Variants in NRXN3 observed in about 807,000 individuals in gnomAD.
The protein encoded by NRXN3 is neurexin III.
Under a neutral mutation model 137.6 loss-of-function variants are expected in NRXN3, and 32 were observed. The observed-to-expected ratio is 0.23, with a 90% CI of 0.18 to 0.31. The LOEUF is 0.31. Among genes scored for constraint, NRXN3 ranks in the 10% least tolerant of loss-of-function variants. The probability of loss-of-function intolerance (pLI) is 1.00; values close to 1 mark genes in which losing one functional copy is unlikely to be tolerated. For missense variants in NRXN3, 1,574 were observed against 2,062.5 expected (o/e 0.76, Z 4.59); for synonymous variants, 798 against 784.5 (o/e 1.02, Z -0.29).
intron 20 of NRXN3, among the ~76,000 whole-genome samples, chr14:79,856,722 T>C (rs929446334): frequency 1.3e-5 from 2 of 152,082 alleles, no homozygotes; most frequent in African/African-American, 4.8e-5. Context: ...CTGTCTTTTT[T>C]GATGGCAGTG....
intron 15 of NRXN3, among the ~76,000 whole-genome samples, chr14:79,149,566 T>C (rs531111642): frequency 2.8e-4 from 43 of 152,220 alleles, no homozygotes; most frequent in Non-Finnish European, 5.1e-4. Flanking sequence ...CGTATATTCA[T>C]TGTGGCACTA....
chr14:78,902,522 G>A (rs2099199971), intron 10 of NRXN3, among the ~76,000 whole-genome samples: 1 of 151,940 alleles, frequency 6.6e-6, no homozygotes, highest in African/African-American at 2.4e-5. Context: ...TAAAAGCAGA[G>A]GAGGAATAAA....
At chr14:78,510,904 C>T (rs1389696424) in intron 4 of NRXN3, among the ~76,000 whole-genome samples, 1 of 152,158 alleles carries the variant, frequency 6.6e-6, no homozygotes, top group East Asian at 1.9e-4. Context: ...AGATCTTTGC[C>T]TCTCCCCATG....
chr14:79,344,333 C>G (rs2092763102), intron 15 of NRXN3, among the ~76,000 whole-genome samples: 1 of 152,094 alleles, frequency 6.6e-6, no homozygotes, highest in Admixed American at 6.5e-5. Flanking sequence ...CTCTTTCTCT[C>G]TCCAATTAGC....
At chr14:78,287,348 C>G (rs1416060012) in intron 3 of NRXN3, among the ~76,000 whole-genome samples, 1 of 152,118 alleles carries the variant, frequency 6.6e-6, no homozygotes, top group African/African-American at 2.4e-5. Flanking sequence ...TATTTTCTGG[C>G]CCCCTTATCT....
intron 16 of NRXN3, among the ~76,000 whole-genome samples, chr14:79,576,842 G>A (rs1428292580): frequency 6.6e-6 from 1 of 152,046 alleles, no homozygotes; most frequent in Non-Finnish European, 1.5e-5. Context: ...AAAATTTTCA[G>A]TAGTTATCAA....
intron 10 of NRXN3, among the ~76,000 whole-genome samples, chr14:78,883,681 C>A (rs1293039568): frequency 6.6e-6 from 1 of 152,174 alleles, no homozygotes; most frequent in African/African-American, 2.4e-5. Flanking sequence ...TTTAGGGTTG[C>A]ACTCACTTTG....
At chr14:78,293,928 GA>G (rs2076052040) in intron 3 of NRXN3, among the ~76,000 whole-genome samples, 2 of 152,206 alleles carry the variant, frequency 1.3e-5, no homozygotes, top group South Asian at 4.1e-4. Context: ...AAGCTAAACA[GA>G]AAAGTCCTTA....
At chr14:79,227,556 G>A (rs1455623874) in intron 15 of NRXN3, among the ~76,000 whole-genome samples, 1 of 152,076 alleles carries the variant, frequency 6.6e-6, no homozygotes, top group African/African-American at 2.4e-5. Context: ...TTCTGTGCAT[G>A]TTTGTTATTT....
intron 15 of NRXN3, among the ~76,000 whole-genome samples, chr14:79,191,942 C>G (rs1036103812): frequency 1.3e-5 from 2 of 151,964 alleles, no homozygotes; most frequent in Admixed American, 1.3e-4. Flanking sequence ...ACAGGACCAA[C>G]CAAGAACCCA....
At chr14:78,986,668 C>G (rs1285151710) in intron 14 of NRXN3, among the ~76,000 whole-genome samples, 1 of 151,992 alleles carries the variant, frequency 6.6e-6, no homozygotes, top group Non-Finnish European at 1.5e-5. Context: ...CTAATATTTT[C>G]TTTCTATAGC....
At chr14:78,993,008 T>C (rs1325769266) in intron 15 of NRXN3, among the ~76,000 whole-genome samples, 1 of 152,186 alleles carries the variant, frequency 6.6e-6, no homozygotes, top group Non-Finnish European at 1.5e-5. Flanking sequence ...AGGATGCCTG[T>C]TGGAGAAATT....
intron 10 of NRXN3, among the ~76,000 whole-genome samples, chr14:78,884,181 G>A (rs768953242): frequency 6.6e-6 from 1 of 152,072 alleles, no homozygotes; most frequent in Non-Finnish European, 1.5e-5. Context: ...ACAAATCTCT[G>A]TGTTATATGT....
chr14:78,833,343 T>A (rs1036226470), intron 10 of NRXN3, among the ~76,000 whole-genome samples: 1 of 152,174 alleles, frequency 6.6e-6, no homozygotes, highest in Non-Finnish European at 1.5e-5. Flanking sequence ...CCTCCAAGAT[T>A]TCTAGCTTTG....
In NRXN3 at chr14:79,723,667, C is replaced by T. The variant is rs565307814; in HGVS notation, c.4014+25730C>T. Among the ~76,000 whole-genome samples the T allele has an allele frequency of 4.6e-5, 7 of 152,132 alleles. No homozygotes were observed. The South Asian group carries it at 1.5e-3, about 32-fold the overall frequency. On this transcript the variant is annotated intron_variant, in intron 19 of 20. Transcript: ENST00000335750. ...AATTGCCACCTAAAAGGATACACCC[C>T]AGGGTCTTCTGTGTTCCTTTGCAGC... is the stretch of plus-strand genomic sequence containing the variant.
chr14:79,049,768 G>A (rs531021267), intron 15 of NRXN3, among the ~76,000 whole-genome samples: 24 of 152,018 alleles, frequency 1.6e-4, no homozygotes, highest in African/African-American at 5.5e-4. Context: ...TATAAAGCAC[G>A]ATGAAATGAA....
At chr14:79,096,033 G>A (rs920838623) in intron 15 of NRXN3, among the ~76,000 whole-genome samples, 2 of 151,380 alleles carry the variant, frequency 1.3e-5, no homozygotes, top group Non-Finnish European at 2.9e-5. Flanking sequence ...TGCTTTTTCT[G>A]TCTCTTTCTG....
chr14:79,835,795 G>C (rs2099340199), intron 20 of NRXN3, among the ~76,000 whole-genome samples: 1 of 152,130 alleles, frequency 6.6e-6, no homozygotes, highest in Non-Finnish European at 1.5e-5. Context: ...GCAAGTATAA[G>C]GATTTAGGAT....
chr14:79,200,429 G>A (rs2065805981), intron 15 of NRXN3, among the ~76,000 whole-genome samples: 1 of 152,112 alleles, frequency 6.6e-6, no homozygotes, highest in South Asian at 2.1e-4. Flanking sequence ...TGTAGAAGTG[G>A]GGCAATATGT....
Sources: gnomAD v4.1 joint callset for allele counts (sites outside exome capture counted in the v4.1 genomes callset) on GRCh38, gnomAD v4.1.1 for gene constraint, MANE v1.5 for transcripts, NCBI Gene and HGNC (gene_info 2026-07-23, HGNC 2026-07-21) for gene names.